The following CALCR variants were observed in gnomAD, a reference collection of about 807,000 sequenced individuals.
CALCR encodes calcitonin receptor.
CALCR carries 47 observed loss-of-function variants against 59.5 expected under a neutral mutation model. That is an observed-to-expected ratio of 0.79 (90% CI 0.63 to 1.01). CALCR has a LOEUF of 1.01. Ranked by LOEUF, CALCR falls within the 50% of genes least tolerant of loss-of-function variation. The probability of loss-of-function intolerance (pLI) is 0.00; values close to 1 mark genes in which losing one functional copy is unlikely to be tolerated. For missense variants in CALCR, 566 were observed against 597.1 expected (o/e 0.95, Z 0.54); for synonymous variants, 213 against 211.3 (o/e 1.01, Z -0.07).
intron 9 of CALCR, among the ~76,000 whole-genome samples, chr7:93,438,664 C>A (rs1037550690): frequency 3.3e-5 from 5 of 152,146 alleles, no homozygotes; most frequent in African/African-American, 1.2e-4. Flanking sequence ...GGGATGTGAC[C>A]TGGGACGGTG....
At chr7:93,472,559 C>A in intron 5 of CALCR, 72 bp from the exon 6 acceptor site, 1 of 889,992 alleles carries the variant, frequency 1.1e-6, no homozygotes, top group Non-Finnish European at 1.8e-6. Context: ...TAAATTAAAG[C>A]TTAAAAGCCA....
chr7:93,438,379 C>T, intron 9 of CALCR, 109 bp from the exon 10 acceptor site: 2 of 805,024 alleles, frequency 2.5e-6, no homozygotes, highest in South Asian at 1.5e-5. Flanking sequence ...AAATTGAGTG[C>T]ATCTGTCAAG....
intron 2 of CALCR, among the ~76,000 whole-genome samples, chr7:93,523,135 T>TAATC (rs1355918993): frequency 1.3e-5 from 2 of 152,234 alleles, no homozygotes; most frequent in Non-Finnish European, 2.9e-5. Flanking sequence ...GTTCCTGGAT[T>TAATC]AATCAGGTTG....
At chr7:93,542,908 G>A (rs1789181857) in intron 2 of CALCR, among the ~76,000 whole-genome samples, 2 of 151,548 alleles carry the variant, frequency 1.3e-5, no homozygotes, top group South Asian at 4.2e-4. Context: ...TAACAATGTT[G>A]TCTCTGGAAT....
rs6973591 is a variant in CALCR, at chr7:93,531,359, A to C, written c.-27+42930T>G. ...GTTGTTACTAAAGTCTTTGCATACC[A>C]GCAGGGATTTGAGATACTAAATTAC... On this transcript the variant is annotated intron_variant, in intron 2 of 13. Coordinates refer to ENST00000426151, the MANE Select transcript of CALCR (RefSeq NM_001742.4). Among the ~76,000 whole-genome samples the C allele has an allele frequency of 2.6e-5, 4 of 151,958 alleles. No homozygotes were observed. The East Asian group carries it at 7.8e-4, about 30-fold the overall frequency.
At chr7:93,500,219 T>C (rs1184489381) in intron 2 of CALCR, among the ~76,000 whole-genome samples, 1 of 151,944 alleles carries the variant, frequency 6.6e-6, no homozygotes, top group Non-Finnish European at 1.5e-5. Flanking sequence ...TTGGCTTCAA[T>C]ATTCTGCAGT....
At chr7:93,505,760 T>C (rs1274495009) in intron 2 of CALCR, among the ~76,000 whole-genome samples, 3 of 152,162 alleles carry the variant, frequency 2.0e-5, no homozygotes, top group African/African-American at 7.2e-5. Context: ...CACTTCTTTT[T>C]ACCATCCCAT....
At chr7:93,553,913 A>G (rs1311826725) in intron 2 of CALCR, among the ~76,000 whole-genome samples, 2 of 152,262 alleles carry the variant, frequency 1.3e-5, no homozygotes, top group East Asian at 3.9e-4. Context: ...ATTGCCTTCT[A>G]ACACGTCACT....
At chr7:93,469,082 A>T (rs1800498907) in intron 6 of CALCR, among the ~76,000 whole-genome samples, 1 of 151,854 alleles carries the variant, frequency 6.6e-6, no homozygotes, top group Non-Finnish European at 1.5e-5. Flanking sequence ...TGCATTAAAA[A>T]TTATCATCCC....
chr7:93,564,489 G>T (rs1423067990), intron 2 of CALCR, among the ~76,000 whole-genome samples: 2 of 151,990 alleles, frequency 1.3e-5, no homozygotes, highest in Non-Finnish European at 2.9e-5. Flanking sequence ...TTTTGCTCTT[G>T]TTGCCCAGGA....
intron 7 of CALCR, among the ~76,000 whole-genome samples, chr7:93,467,887 T>C (rs1235175290): frequency 6.6e-6 from 1 of 151,674 alleles, no homozygotes; most frequent in Non-Finnish European, 1.5e-5. Context: ...ATGTATTATT[T>C]CATTTTTACC....
chr7:93,516,928 A>C (rs1289939459), intron 2 of CALCR, among the ~76,000 whole-genome samples: 1 of 151,870 alleles, frequency 6.6e-6, no homozygotes, highest in African/African-American at 2.4e-5. Flanking sequence ...GAAAGTGAAA[A>C]GAAATTATGG....
chr7:93,572,283 A>G (rs1161897332), intron 2 of CALCR, among the ~76,000 whole-genome samples: 1 of 152,146 alleles, frequency 6.6e-6, no homozygotes, highest in Admixed American at 6.6e-5. Flanking sequence ...TATTTTTATC[A>G]AAAGCCTCCC....
intron 12 of CALCR, 66 bp from the exon 13 acceptor site, chr7:93,434,360 T>C: frequency 2.2e-5 from 22 of 1,019,520 alleles, no homozygotes; most frequent in Non-Finnish European, 2.7e-5. Context: ...TAGTAAACAA[T>C]ATAATAGACT....
chr7:93,522,799 T>C (rs1398126943), intron 2 of CALCR, among the ~76,000 whole-genome samples: 1 of 152,180 alleles, frequency 6.6e-6, no homozygotes, highest in African/African-American at 2.4e-5. Context: ...TATGAAGATA[T>C]ATATAATTAA....
intron 2 of CALCR, among the ~76,000 whole-genome samples, chr7:93,516,364 T>G (rs1221599699): frequency 2.0e-5 from 3 of 151,946 alleles, no homozygotes; most frequent in Admixed American, 1.3e-4. Context: ...AATTCACTGC[T>G]CAGAATTTAT....
chr7:93,539,878 T>A (rs553164166), intron 2 of CALCR, among the ~76,000 whole-genome samples: 2 of 152,228 alleles, frequency 1.3e-5, no homozygotes, highest in East Asian at 3.9e-4. Flanking sequence ...CACATCAAAG[T>A]AGGGATTTGT....
At chr7:93,547,295 C>T (rs1789315352) in intron 2 of CALCR, among the ~76,000 whole-genome samples, 1 of 152,166 alleles carries the variant, frequency 6.6e-6, no homozygotes, top group Non-Finnish European at 1.5e-5. Flanking sequence ...GATAGCACTG[C>T]AGTTTATTGA....
intron 2 of CALCR, among the ~76,000 whole-genome samples, chr7:93,549,402 G>A (rs1382180796): frequency 6.6e-6 from 1 of 152,118 alleles, no homozygotes; most frequent in African/African-American, 2.4e-5. Flanking sequence ...AGAAAAGGGA[G>A]AATGAGGTCC....
Sources: gnomAD v4.1 joint callset for allele counts (sites outside exome capture counted in the v4.1 genomes callset) on GRCh38, gnomAD v4.1.1 for gene constraint, MANE v1.5 for transcripts, NCBI Gene and HGNC (gene_info 2026-07-23, HGNC 2026-07-21) for gene names.